The following ROBO1 variants were observed in gnomAD, a reference collection of about 807,000 sequenced individuals.
ROBO1 encodes roundabout homolog 1.
ROBO1 carries 149 observed loss-of-function variants against 195.9 expected under a neutral mutation model. The ratio of observed to expected loss-of-function variants is 0.76; its 90% CI spans 0.67 to 0.87. The LOEUF is 0.87. ROBO1 is among the 40% of genes least tolerant of loss of function. ROBO1 has a pLI of 0.00. For synonymous variants in ROBO1, 816 were observed against 733.2 expected (o/e 1.11, Z -1.82); for missense variants, 1,933 against 2,068.3 (o/e 0.93, Z 1.27).
At chr3:78,954,612 T>G (rs1218539388) in intron 3 of ROBO1, among the ~76,000 whole-genome samples, 1 of 152,086 alleles carries the variant, frequency 6.6e-6, no homozygotes, top group African/African-American at 2.4e-5. Context: ...AAAACAGCAT[T>G]TGGGTGGTCC....
intron 3 of ROBO1, among the ~76,000 whole-genome samples, chr3:79,081,279 T>C (rs1275475990): frequency 6.6e-6 from 1 of 151,972 alleles, no homozygotes; most frequent in Non-Finnish European, 1.5e-5. Flanking sequence ...GATGCTGCCA[T>C]TGCATTAATA....
intron 2 of ROBO1, among the ~76,000 whole-genome samples, chr3:79,257,331 C>T (rs1415175921): frequency 6.6e-6 from 1 of 152,100 alleles, no homozygotes; most frequent in Non-Finnish European, 1.5e-5. Context: ...ACAAAAAGCC[C>T]TTCTCACTTG....
intron 3 of ROBO1, among the ~76,000 whole-genome samples, chr3:79,099,398 C>A (rs2079632670): frequency 6.6e-6 from 1 of 151,606 alleles, no homozygotes; most frequent in Non-Finnish European, 1.5e-5. Context: ...AAACAAGAAC[C>A]ACCTAAGTGC....
intron 2 of ROBO1, among the ~76,000 whole-genome samples, chr3:79,565,610 T>C (rs1199392522): frequency 1.3e-5 from 2 of 151,980 alleles, no homozygotes; most frequent in South Asian, 2.1e-4. Context: ...AATATGAATA[T>C]AGCAAAATAG....
chr3:79,262,233 C>T (rs1331769561), intron 2 of ROBO1, among the ~76,000 whole-genome samples: 1 of 152,116 alleles, frequency 6.6e-6, no homozygotes. Context: ...CTCTTAAACA[C>T]TCACTCAAGT....
chr3:79,160,496 ATTGTAGGT>A (rs2080939046), intron 2 of ROBO1, among the ~76,000 whole-genome samples: 1 of 152,010 alleles, frequency 6.6e-6, no homozygotes, highest in South Asian at 2.1e-4. Context: ...CTGAGGGCAT[ATTGTAGGT>A]TCTATCAACA....
intron 2 of ROBO1, among the ~76,000 whole-genome samples, chr3:79,332,547 T>C (rs932187819): frequency 6.6e-6 from 1 of 152,292 alleles, no homozygotes; most frequent in South Asian, 2.1e-4. Context: ...TTTACTTGTT[T>C]TCCCATTTCT....
At chr3:78,618,953 C>T (rs62260381) in intron 26 of ROBO1, among the ~76,000 whole-genome samples, 1,685 of 152,216 alleles carry the variant, frequency 0.011, 13 homozygotes, top group Middle Eastern at 0.02. Flanking sequence ...AGGTATAGAG[C>T]ATTTTGACTT....
chr3:79,355,625 A>G (rs971207785), intron 2 of ROBO1, among the ~76,000 whole-genome samples: 2 of 152,206 alleles, frequency 1.3e-5, no homozygotes, highest in African/African-American at 4.8e-5. Flanking sequence ...TATCAGAACA[A>G]CATTTAGATT....
intron 2 of ROBO1, among the ~76,000 whole-genome samples, chr3:79,183,567 AC>A (rs2081384089): frequency 6.6e-6 from 1 of 152,254 alleles, no homozygotes; most frequent in Non-Finnish European, 1.5e-5. Context: ...TTGCTAAGAA[AC>A]ATTCTCCAGG....
intron 4 of ROBO1, among the ~76,000 whole-genome samples, chr3:78,853,395 G>T (rs1460159932): frequency 6.6e-6 from 1 of 150,710 alleles, no homozygotes; most frequent in Non-Finnish European, 1.5e-5. Context: ...TAGGATATGT[G>T]CATATATATA....
At chr3:79,455,103 G>C (rs761677582) in intron 2 of ROBO1, among the ~76,000 whole-genome samples, 1 of 151,624 alleles carries the variant, frequency 6.6e-6, no homozygotes, top group African/African-American at 2.4e-5. Context: ...AACTCAGCGA[G>C]TTTAGTTTCA....
chr3:78,694,548 C>G (rs1327314888), intron 8 of ROBO1, among the ~76,000 whole-genome samples: 1 of 152,034 alleles, frequency 6.6e-6, no homozygotes, highest in Non-Finnish European at 1.5e-5. Flanking sequence ...ACAGAGAAAA[C>G]AAAACTAAGC....
chr3:78,819,394 A>G (rs1486771148), intron 4 of ROBO1, among the ~76,000 whole-genome samples: 1 of 150,688 alleles, frequency 6.6e-6, no homozygotes, highest in Admixed American at 6.6e-5. Flanking sequence ...GCTTTATCTG[A>G]CACTAATTTC....
At chr3:79,575,128 AATATATATAACAAATATATAAATATAT>A (rs1456736140) in intron 2 of ROBO1, among the ~76,000 whole-genome samples, 2 of 67,894 alleles carry the variant, frequency 2.9e-5, no homozygotes, top group African/African-American at 1.8e-4. Context: ...TATATATATA[AATATATATAACAAATATATAAATATAT>A]ATATAACAAA....
intron 3 of ROBO1, among the ~76,000 whole-genome samples, chr3:79,035,938 A>G (rs1274553091): frequency 2.6e-5 from 4 of 152,130 alleles, no homozygotes; most frequent in Admixed American, 2.0e-4. Context: ...TTATTTAGAG[A>G]TATGTTAACT....
At chr3:78,822,093 T>TAC (rs113114251) in intron 4 of ROBO1, among the ~76,000 whole-genome samples, 7,970 of 146,892 alleles carry the variant, frequency 0.054, 230 homozygotes, top group Middle Eastern at 0.076. Context: ...CACATATACA[T>TAC]ACACACACAC....
chr3:79,570,595 G>A (rs1011454185), intron 2 of ROBO1, among the ~76,000 whole-genome samples: 2 of 152,090 alleles, frequency 1.3e-5, no homozygotes, highest in Non-Finnish European at 1.5e-5. Context: ...ATTATAAATT[G>A]TAAAAATGTC....
intron 2 of ROBO1, among the ~76,000 whole-genome samples, chr3:79,275,608 A>G (rs887686511): frequency 2.0e-5 from 3 of 152,000 alleles, no homozygotes; most frequent in Non-Finnish European, 2.9e-5. Flanking sequence ...TTTACTCAGC[A>G]TAATACTAGA....
Sources: allele counts gnomAD v4.1 joint callset (sites outside exome capture counted in the v4.1 genomes callset), GRCh38; gene constraint gnomAD v4.1.1; transcripts MANE v1.5; gene names NCBI Gene and HGNC (gene_info 2026-07-23, HGNC 2026-07-21).